The following RPH3A variants were observed in gnomAD, a reference collection of about 807,000 sequenced individuals.
The protein encoded by RPH3A is rabphilin 3A.
RPH3A carries 48 observed loss-of-function variants against 102.2 expected under a neutral mutation model. The ratio of observed to expected loss-of-function variants is 0.47; its 90% CI spans 0.37 to 0.60. RPH3A has a LOEUF of 0.60. RPH3A is among the 20% of genes least tolerant of loss of function. RPH3A has a pLI of 0.00. For missense variants in RPH3A, 781 were observed against 910.1 expected (o/e 0.86, Z 1.83); for synonymous variants, 310 against 324.3 (o/e 0.96, Z 0.47).
chr12:112,770,013 G>T (rs6489858), intron 1 of RPH3A, among the ~76,000 whole-genome samples: 77,615 of 152,032 alleles, frequency 0.51, 20,210 homozygotes, highest in East Asian at 0.75. Context: ...GATACTATCA[G>T]ATTGTATCAC....
chr12:112,865,669 A>G (rs1224904109), intron 6 of RPH3A, 126 bp downstream of exon 6: 32 of 1,077,650 alleles, frequency 3.0e-5, no homozygotes, highest in Non-Finnish European at 4.1e-5. Flanking sequence ...ACTTGCCAGG[A>G]TATGGTTTTT....
In RPH3A at chr12:112,702,693, T is replaced by C. The variant is rs150580092; in HGVS notation, c.-139-89450T>C. ...CTGGACCAAGGGTCTGGGCCCCACT[T>C]GTAGGAGCCTTTGCTAAACTCTCTG... On this transcript the variant is annotated intron_variant, in intron 1 of 21. Transcript: ENST00000543106. Among the ~76,000 whole-genome samples, 7 of 152,342 alleles carry C rather than the reference T, an allele frequency of 4.6e-5. No homozygotes were observed. In the East Asian group the frequency reaches 1.2e-3, roughly 25 times the overall value.
At chr12:112,662,372 C>T (rs1216139286) in intron 1 of RPH3A, among the ~76,000 whole-genome samples, 2 of 152,142 alleles carry the variant, frequency 1.3e-5, no homozygotes, top group African/African-American at 4.8e-5. Context: ...TCCATCAGTC[C>T]ATCCATTCAT....
intron 16 of RPH3A, among the ~76,000 whole-genome samples, chr12:112,884,033 C>G (rs1288316951): frequency 6.6e-6 from 1 of 151,992 alleles, no homozygotes; most frequent in African/African-American, 2.4e-5. Context: ...ATGGAACTTG[C>G]CTTTTTTTCT....
intron 1 of RPH3A, among the ~76,000 whole-genome samples, chr12:112,698,653 A>T (rs2136027413): frequency 6.6e-6 from 1 of 152,348 alleles, no homozygotes; most frequent in African/African-American, 2.4e-5. Context: ...TTTGTAAAAC[A>T]CATAGCTGAT....
At chr12:112,627,894 A>G (rs1415078015) in intron 1 of RPH3A, among the ~76,000 whole-genome samples, 3 of 148,728 alleles carry the variant, frequency 2.0e-5, no homozygotes, top group South Asian at 2.2e-4. Flanking sequence ...CACAGGAAGC[A>G]TGGCTGGGGA....
intron 1 of RPH3A, among the ~76,000 whole-genome samples, chr12:112,772,453 C>T (rs995532580): frequency 1.2e-4 from 18 of 152,154 alleles, no homozygotes; most frequent in Non-Finnish European, 2.2e-4. Context: ...CACTCCTTAC[C>T]TTTCTAAGTG....
chr12:112,895,713 C>T, intron 20 of RPH3A, 64 bp from the exon 21 acceptor site: 1 of 1,218,958 alleles, frequency 8.2e-7, no homozygotes, highest in Non-Finnish European at 1.2e-6. Flanking sequence ...GACTCGGCCT[C>T]TTACCTCCCA....
chr12:112,697,882 A>G (rs1177681644), intron 1 of RPH3A, among the ~76,000 whole-genome samples: 1 of 152,022 alleles, frequency 6.6e-6, no homozygotes, highest in Non-Finnish European at 1.5e-5. Flanking sequence ...AAAAATCCAA[A>G]CAGACTTTTT....
At chr12:112,661,169 T>A (rs1421681740) in intron 1 of RPH3A, among the ~76,000 whole-genome samples, 1 of 152,184 alleles carries the variant, frequency 6.6e-6, no homozygotes, top group African/African-American at 2.4e-5. Flanking sequence ...AGACCCATGC[T>A]GTACCCACTC....
At chr12:112,890,738 A>C in intron 18 of RPH3A, 111 bp from the exon 19 acceptor site, 124 of 1,221,452 alleles carry the variant, frequency 1.0e-4, no homozygotes, top group Middle Eastern at 2.8e-4. Flanking sequence ...CTGGCTCCCT[A>C]GAGCTGGCCA....
intron 2 of RPH3A, among the ~76,000 whole-genome samples, chr12:112,816,078 G>A (rs570208691): frequency 7.2e-5 from 11 of 152,246 alleles, no homozygotes; most frequent in East Asian, 3.9e-4. Context: ...GGAGACATTC[G>A]CCTCAGGAAG....
intron 1 of RPH3A, among the ~76,000 whole-genome samples, chr12:112,614,122 C>T (rs188151925): frequency 2.6e-5 from 4 of 152,318 alleles, no homozygotes; most frequent in Admixed American, 1.3e-4. Flanking sequence ...AAGGAACCAG[C>T]TCCCCTGGCA....
chr12:112,659,360 A>G (rs1447905840), intron 1 of RPH3A, among the ~76,000 whole-genome samples: 3 of 152,218 alleles, frequency 2.0e-5, no homozygotes, highest in Non-Finnish European at 4.4e-5. Context: ...TGACTTTCCT[A>G]ACCTTGACAC....
At chr12:112,619,002 G>C (rs887726103) in intron 1 of RPH3A, among the ~76,000 whole-genome samples, 1 of 152,110 alleles carries the variant, frequency 6.6e-6, no homozygotes, top group Admixed American at 6.6e-5. Flanking sequence ...GTGTTTTCAA[G>C]GTTCATCTGT....
chr12:112,890,992 A>G lies in RPH3A; in HGVS notation c.1764A>G (p.Pro588=). The change falls in exon 19 of 22, where the codon CCA becomes CCG. Residue 588 remains proline (P), a synonymous_variant. Coordinates refer to ENST00000389385, the MANE Select transcript of RPH3A (RefSeq NM_001143854.2). ...AAMDANGYSD[P]FVKLWLKPDM... ...TGGACGCTAATGGCTACTCAGACCC[A>G]TTCGTCAAGCTGTAAGTCAATGCCT... 1 of 1,614,150 alleles carries G rather than the reference A, an allele frequency of 6.2e-7. No homozygotes were observed. Among genetic ancestry groups the G allele is most frequent in the Non-Finnish European group, 8.5e-7 (1 of 1,180,018 alleles).
At chr12:112,860,993 G>GT (rs975775885) in intron 5 of RPH3A, among the ~76,000 whole-genome samples, 1 of 152,126 alleles carries the variant, frequency 6.6e-6, no homozygotes, top group African/African-American at 2.4e-5. Context: ...ACTTCAAACT[G>GT]TTTTTTTAAA....
intron 1 of RPH3A, among the ~76,000 whole-genome samples, chr12:112,742,629 G>C (rs1387803617): frequency 2.6e-5 from 4 of 152,138 alleles, no homozygotes; most frequent in Non-Finnish European, 4.4e-5. Flanking sequence ...AAATAGTGGA[G>C]GATCCTGGGG....
In RPH3A at chr12:112,866,117, A is replaced by G. The variant is rs144408013; in HGVS notation, c.360+574A>G. Among the ~76,000 whole-genome samples, 1,284 of 152,330 alleles carry G rather than the reference A, an allele frequency of 8.4e-3. 24 individuals carry two copies. The highest frequency in any genetic ancestry group is 0.029 in the African/African-American group (1,211 of 41,570). ...CTGTCCTGGGGTCTGCCGGACTCCA[A>G]GAGTTCAGTTGAACAACCCAGCTGG... On this transcript the variant is annotated intron_variant, in intron 6 of 21. Coordinates refer to ENST00000389385, the MANE Select transcript of RPH3A (RefSeq NM_001143854.2).
Sources: allele counts gnomAD v4.1 joint callset (sites outside exome capture counted in the v4.1 genomes callset), GRCh38; gene constraint gnomAD v4.1.1; transcripts MANE v1.5; gene names NCBI Gene and HGNC (gene_info 2026-07-23, HGNC 2026-07-21).